PHKB: variants seen among roughly 807,000 people sequenced by gnomAD.
PHKB encodes the protein phosphorylase b kinase regulatory subunit beta.
PHKB carries 122 observed loss-of-function variants against 152.1 expected under a neutral mutation model. The observed-to-expected ratio is 0.80, with a 90% CI of 0.69 to 0.93. PHKB has a LOEUF of 0.93. PHKB is among the 40% of genes least tolerant of loss of function. The probability of loss-of-function intolerance (pLI) is 0.00; values close to 1 mark genes in which losing one functional copy is unlikely to be tolerated. For missense variants in PHKB, 1,304 were observed against 1,328.4 expected (o/e 0.98, Z 0.29); for synonymous variants, 436 against 464.9 (o/e 0.94, Z 0.80).
chr16:47,679,246 G>A (rs1344568797), intron 26 of PHKB, among the ~76,000 whole-genome samples: 4 of 152,136 alleles, frequency 2.6e-5, no homozygotes, highest in African/African-American at 9.7e-5. Context: ...TTGACTTGGC[G>A]ATGCGGGCTC....
rs550084331 is a variant in PHKB at position 47,645,624 on chromosome 16, G to T, written c.1609-2909G>T. Among the ~76,000 whole-genome samples, 57 of 150,934 alleles carry T rather than the reference G, an allele frequency of 3.8e-4. 1 individual carries two copies. In the East Asian group the frequency reaches 9.6e-3, roughly 25 times the overall value. ...CTGTTTTGGTTACTGTAGCCTTGTA[G>T]TATAGTTTGAAGTCAGGTAGTGTGA... On this transcript the variant is annotated intron_variant, in intron 16 of 30. Transcript: ENST00000323584.
chr16:47,667,633 T>C (rs1295839167), intron 25 of PHKB, among the ~76,000 whole-genome samples: 2 of 152,186 alleles, frequency 1.3e-5, no homozygotes, highest in Admixed American at 6.5e-5. Context: ...GTTTTTACCC[T>C]GAACCAAGCC....
chr16:47,700,055 A>G lies in PHKB; in HGVS notation c.*689A>G, dbSNP rs542646243. ...GACATGTCTATGATTGTTCAAAAAT[A>G]TGTTAAATTTAGGCTCAGCACAGTA... On this transcript the variant is annotated 3_prime_UTR_variant, in exon 31 of 31. Transcript: ENST00000323584. 5 of 153,142 alleles carry G rather than the reference A, an allele frequency of 3.3e-5. No individual in the cohort carries two copies. Among genetic ancestry groups the G allele is most frequent in the Non-Finnish European group, 7.3e-5 (5 of 68,680 alleles). 9.5% of individuals were successfully genotyped at this position (153,142 alleles called of 1,614,324 possible). A position where few individuals can be genotyped will look rare whatever the true frequency, so the allele number is the denominator to read the frequency against.
intron 20 of PHKB, among the ~76,000 whole-genome samples, chr16:47,651,805 A>G (rs926863714): frequency 1.3e-5 from 2 of 152,108 alleles, no homozygotes; most frequent in African/African-American, 4.8e-5. Flanking sequence ...TGTATTTTGC[A>G]TACTTGATTT....
chr16:47,625,068 T>C (rs1972684781), intron 14 of PHKB, among the ~76,000 whole-genome samples: 2 of 152,222 alleles, frequency 1.3e-5, no homozygotes, highest in Admixed American at 1.3e-4. Flanking sequence ...GAATTCTGTT[T>C]TCTAAATAGT....
At chr16:47,501,428 A>C (rs955903531) in intron 3 of PHKB, among the ~76,000 whole-genome samples, 2 of 152,188 alleles carry the variant, frequency 1.3e-5, no homozygotes, top group African/African-American at 4.8e-5. Flanking sequence ...AAAGTATGAA[A>C]GTATGTTTTT....
Position 47,660,731 on chromosome 16 carries a change from CT to C in PHKB, c.2109del (p.Ser704ValfsTer28), listed in dbSNP as rs1281130065. ...AAAGTCAAACGGCAAAGCAGCACCC[CT>C]AGTGCTCCTGAACTGGGACAGCAGC... ...HSKVKRQSST[P>X]SAPELGQQPD... On this transcript the variant is annotated frameshift_variant, in exon 22 of 31. Transcript: ENST00000323584. LOFTEE classifies it high-confidence loss of function. 6.2e-7 allele frequency: 1 copy of C among 1,613,682 alleles called. No individual in the cohort carries two copies. Among genetic ancestry groups the C allele is most frequent in the Non-Finnish European group, 8.5e-7 (1 of 1,179,578 alleles).
intron 14 of PHKB, chr16:47,618,982 A>G (rs1272736829): frequency 6.6e-6 from 1 of 152,198 alleles, no homozygotes; most frequent in African/African-American, 2.4e-5. Flanking sequence ...GGTATTTGAC[A>G]GGACCAGAGA....
chr16:47,651,000 C>G (rs1046617831), intron 20 of PHKB, 79 bp downstream of exon 20: 3 of 1,028,838 alleles, frequency 2.9e-6, no homozygotes, highest in Non-Finnish European at 4.6e-6. Context: ...AATGTATGGT[C>G]TATTTAAGGT....
chr16:47,576,149 A>G, intron 7 of PHKB, among the ~76,000 whole-genome samples: 1 of 152,198 alleles, frequency 6.6e-6, no homozygotes, highest in East Asian at 1.9e-4. Flanking sequence ...ATTTCCATGT[A>G]ACAAAACTGC....
intron 7 of PHKB, among the ~76,000 whole-genome samples, chr16:47,560,268 G>A (rs1309771190): frequency 6.6e-6 from 1 of 152,186 alleles, no homozygotes; most frequent in African/African-American, 2.4e-5. Context: ...CAAAAGAAGT[G>A]TAAGACTTGT....
At chr16:47,536,326 C>T (rs765153204) in intron 6 of PHKB, among the ~76,000 whole-genome samples, 11 of 152,222 alleles carry the variant, frequency 7.2e-5, no homozygotes, top group African/African-American at 9.6e-5. Flanking sequence ...GCTGGGATTA[C>T]AGGCGTGAGC....
chr16:47,550,549 C>G (rs1270255584), intron 7 of PHKB, among the ~76,000 whole-genome samples: 1 of 152,206 alleles, frequency 6.6e-6, no homozygotes, highest in African/African-American at 2.4e-5. Flanking sequence ...AGAGAGAAAA[C>G]AGAGCATAAT....
chr16:47,473,218 A>ATTTTTTTCTTTT (rs1969807742), intron 1 of PHKB, among the ~76,000 whole-genome samples: 2 of 48,738 alleles, frequency 4.1e-5, no homozygotes, highest in African/African-American at 1.6e-4. Context: ...TGCCTGGCTA[A>ATTTTTTTCTTTT]TTTTTTTTTT....
Position 47,500,104 on chromosome 16 carries a change from C to T in PHKB, c.305+210C>T, listed in dbSNP as rs1488540693. ...CCAGGCTGCAATGCAGTGGCATGAC[C>T]TTGGCTCACTGCAACCTCTGCCCCC... On this transcript the variant is annotated intron_variant, in intron 3 of 30. Coordinates refer to ENST00000323584, the MANE Select transcript of PHKB (RefSeq NM_000293.3). Among the ~76,000 whole-genome samples the T allele has an allele frequency of 3.9e-5, 6 of 152,044 alleles. 1 individual carries two copies. Among genetic ancestry groups the T allele is most frequent in the African/African-American group, 1.2e-4 (5 of 41,380 alleles).
At chr16:47,473,046 T>G (rs1969801850) in intron 1 of PHKB, among the ~76,000 whole-genome samples, 1 of 151,246 alleles carries the variant, frequency 6.6e-6, no homozygotes, top group Admixed American at 6.6e-5. Flanking sequence ...ATCTGTGTTT[T>G]TTTTTTTGTT....
At chr16:47,554,973 C>T (rs1971343709) in intron 7 of PHKB, among the ~76,000 whole-genome samples, 1 of 152,198 alleles carries the variant, frequency 6.6e-6, no homozygotes, top group Non-Finnish European at 1.5e-5. Context: ...GCCATCTTGC[C>T]AGACTCCTGA....
chr16:47,593,595 T>C lies in PHKB; in HGVS notation c.1126+38T>C, dbSNP rs773139456. ...TTTCCTGAAATTTAAGCAAGCTTTT[T>C]CCTGAAATTTAAGCTGTAGGATTTA... On this transcript the variant is annotated intron_variant, in intron 11 of 30. Transcript: ENST00000323584. 2.5e-6 allele frequency: 3 copies of C among 1,187,950 alleles called. No homozygotes were observed. The South Asian group carries it at 3.6e-5, about 14-fold the overall frequency. 73.6% of individuals were successfully genotyped at this position (1,187,950 alleles called of 1,614,324 possible).
intron 7 of PHKB, among the ~76,000 whole-genome samples, chr16:47,558,918 C>T (rs1971429157): frequency 6.6e-6 from 1 of 152,138 alleles, no homozygotes; most frequent in African/African-American, 2.4e-5. Flanking sequence ...TTTTTTATAC[C>T]ATTAAAGACA....
Sources: allele counts gnomAD v4.1 joint callset (sites outside exome capture counted in the v4.1 genomes callset), GRCh38; gene constraint gnomAD v4.1.1; transcripts MANE v1.5; gene names NCBI Gene and HGNC (gene_info 2026-07-23, HGNC 2026-07-21).